ZC3H14: variants seen among roughly 807,000 people sequenced by gnomAD.
The protein encoded by ZC3H14 is zinc finger CCCH domain-containing protein 14.
A neutral mutation model predicts 92.4 loss-of-function variants in ZC3H14; 31 were observed. The ratio of observed to expected loss-of-function variants is 0.34; its 90% CI spans 0.25 to 0.45. The LOEUF is 0.45. ZC3H14 is among the 20% of genes least tolerant of loss of function. The probability of loss-of-function intolerance (pLI) is 1.00; values close to 1 mark genes in which losing one functional copy is unlikely to be tolerated. For missense variants in ZC3H14, 781 were observed against 897.3 expected (o/e 0.87, Z 1.66); for synonymous variants, 321 against 300.9 (o/e 1.07, Z -0.69).
At chr14:88,599,264 C>T (rs766092584) in intron 10 of ZC3H14, among the ~76,000 whole-genome samples, 1 of 152,154 alleles carries the variant, frequency 6.6e-6, no homozygotes. Context: ...TTCATTATTG[C>T]CTTAGAATTC....
chr14:88,603,974 G>A (rs372400262), intron 12 of ZC3H14, among the ~76,000 whole-genome samples: 9 of 152,232 alleles, frequency 5.9e-5, no homozygotes, highest in East Asian at 5.8e-4. Flanking sequence ...ACGTAGTGTC[G>A]TGGTTTTGAT....
At chr14:88,573,059 A>T (rs1219572849) in intron 6 of ZC3H14, 52 bp downstream of exon 6, 3 of 1,579,646 alleles carry the variant, frequency 1.9e-6, no homozygotes, top group Non-Finnish European at 2.6e-6. Flanking sequence ...GCAGTTCTTG[A>T]TACCAAATAA....
At chr14:88,581,719 G>A (rs1304973199) in intron 9 of ZC3H14, among the ~76,000 whole-genome samples, 1 of 152,152 alleles carries the variant, frequency 6.6e-6, no homozygotes, top group Non-Finnish European at 1.5e-5. Context: ...AAAGGATGCA[G>A]GCGCCAACTT....
chr14:88,605,442 C>T (rs2085242514), intron 12 of ZC3H14, among the ~76,000 whole-genome samples: 1 of 152,188 alleles, frequency 6.6e-6, no homozygotes, highest in African/African-American at 2.4e-5. Flanking sequence ...AGTGATTCTC[C>T]CACCTCAGCC....
Position 88,615,534 on chromosome 14 carries a change from C to T in ZC3H14, c.*3783C>T, listed in dbSNP as rs889311457. On this transcript the variant is annotated 3_prime_UTR_variant, in exon 17 of 17. Transcript: ENST00000251038. ...CCCTAAATTTTCCCAGCAGGTCTGC[C>T]GAAATCACACACTTCCCAATACAGG... 5.9e-6 allele frequency: 2 copies of T among 338,168 alleles called. No individual in the cohort carries two copies. The highest frequency in any genetic ancestry group is 1.1e-5 in the Non-Finnish European group (2 of 187,404). 20.9% of individuals were successfully genotyped at this position (338,168 alleles called of 1,614,324 possible).
intron 9 of ZC3H14, among the ~76,000 whole-genome samples, chr14:88,582,430 A>T (rs1199968274): frequency 6.6e-6 from 1 of 152,224 alleles, no homozygotes; most frequent in African/African-American, 2.4e-5. Flanking sequence ...TGAGATTAAA[A>T]GGCAAATCAA....
rs1458417422 is a variant in ZC3H14 at position 88,572,815 on chromosome 14, A to G, written c.669A>G (p.Ala223=). ...EIYRPPASRN[A]DSGVHLNRLQ... ...ATCGACCACCTGCAAGTAGAAATGC[A>G]GATAGTGGTGTTCATTTAAACAGGT... The change falls in exon 6 of 17, where the codon GCA becomes GCG. Residue 223 remains alanine, a synonymous_variant. Coordinates refer to ENST00000251038, the MANE Select transcript of ZC3H14 (RefSeq NM_024824.5). The G allele has an allele frequency of 2.5e-6, 4 of 1,614,208 alleles. No individual in the cohort carries two copies. Among genetic ancestry groups the G allele is most frequent in the Middle Eastern group, 1.6e-4 (1 of 6,062 alleles).
Position 88,625,055 on chromosome 14 carries a change from C to T in ZC3H14, c.*13304C>T, listed in dbSNP as rs759632461. The T allele has an allele frequency of 3.7e-6, 6 of 1,613,016 alleles. No homozygotes were observed. Among genetic ancestry groups the T allele is most frequent in the South Asian group, 3.3e-5 (3 of 90,988 alleles). On this transcript the variant is annotated 3_prime_UTR_variant, in exon 17 of 17. Transcript: ENST00000251038. ...ACAGGCCCGTTGTGAGCTCTCGCCACGATTCTACACAATATGTGATCTTTC... is the reference window on the plus strand; with the variant it reads ...ACAGGCCCGTTGTGAGCTCTCGCCATGATTCTACACAATATGTGATCTTTC...
At chr14:88,573,091 T>C in intron 6 of ZC3H14, 84 bp downstream of exon 6, 1 of 1,498,498 alleles carries the variant, frequency 6.7e-7, no homozygotes, top group Non-Finnish European at 9.2e-7. Context: ...ACTAAACACA[T>C]ATTCCAAGGC....
chr14:88,595,675 T>C (rs1212369839), intron 9 of ZC3H14, among the ~76,000 whole-genome samples: 2 of 152,238 alleles, frequency 1.3e-5, no homozygotes, highest in Non-Finnish European at 2.9e-5. Flanking sequence ...GGAAACTAAC[T>C]GATACAATTT....
chr14:88,592,803 G>A (rs1280639700), intron 9 of ZC3H14, among the ~76,000 whole-genome samples: 1 of 151,940 alleles, frequency 6.6e-6, no homozygotes, highest in Non-Finnish European at 1.5e-5. Flanking sequence ...GCCAGGCCAG[G>A]ATTCTTCTTT....
chr14:88,624,865 C>T lies in ZC3H14; in HGVS notation c.*13114C>T, dbSNP rs914513694. 3.3e-5 allele frequency: 41 copies of T among 1,224,974 alleles called. No homozygotes were observed. Among genetic ancestry groups the T allele is most frequent in the South Asian group, 6.4e-5 (4 of 62,056 alleles). 75.9% of individuals were successfully genotyped at this position (1,224,974 alleles called of 1,614,324 possible). ...AGGAGAAGCATATGAGGAGGAAGGT[C>T]GGAGAGGACACTCTGTGTAGCCTAG... On this transcript the variant is annotated 3_prime_UTR_variant, in exon 17 of 17. Coordinates refer to ENST00000251038, the MANE Select transcript of ZC3H14 (RefSeq NM_024824.5).
intron 2 of ZC3H14, among the ~76,000 whole-genome samples, chr14:88,566,375 A>G (rs1312010190): frequency 6.6e-6 from 1 of 152,060 alleles, no homozygotes; most frequent in Non-Finnish European, 1.5e-5. Flanking sequence ...ACAGTTTGAG[A>G]ATTGGTAATT....
chr14:88,566,722 C>T (rs1006134667), intron 2 of ZC3H14, among the ~76,000 whole-genome samples: 4 of 152,052 alleles, frequency 2.6e-5, no homozygotes, highest in African/African-American at 9.7e-5. Context: ...GAGTTCGAGA[C>T]CAGCCTAGTC....
chr14:88,572,605 C>T lies in ZC3H14; in HGVS notation c.459C>T (p.Thr153=), dbSNP rs1230454875. ...VRQTYDDGAA[T]RLMSTVKPLR... ...AGACTTACGATGATGGAGCTGCAAC[C>T]CGACTAATGTCAACAGTGAAACCTT... Residue 153 remains threonine (T), a synonymous_variant, in exon 6 of 17, where the codon ACC becomes ACT. Transcript: ENST00000251038. 6.8e-6 allele frequency: 11 copies of T among 1,614,006 alleles called. No individual in the cohort carries two copies. The highest frequency in any genetic ancestry group is 8.5e-6 in the Non-Finnish European group (10 of 1,180,046).
chr14:88,601,089 A>T (rs1326371872), intron 10 of ZC3H14, among the ~76,000 whole-genome samples: 1 of 151,990 alleles, frequency 6.6e-6, no homozygotes, highest in African/African-American at 2.4e-5. Flanking sequence ...TATTCTCAGC[A>T]CCTTGTTCAC....
At chr14:88,601,494 A>G (rs1389541952) in intron 10 of ZC3H14, among the ~76,000 whole-genome samples, 1 of 152,252 alleles carries the variant, frequency 6.6e-6, no homozygotes, top group Non-Finnish European at 1.5e-5. Context: ...TTATCAGGAC[A>G]TGATTCTAAG....
rs74075834 is a variant in ZC3H14 at position 88,607,748 on chromosome 14, T to A, written c.1868+385T>A. Among the ~76,000 whole-genome samples the A allele has an allele frequency of 1.9e-3, 170 of 88,872 alleles. 1 individual carries two copies. The highest frequency in any genetic ancestry group is 7.5e-3 in the African/African-American group (161 of 21,484). The allele number at this position is 88,872 out of a possible 152,430, so 58.3% of individuals were successfully genotyped here. On this transcript the variant is annotated intron_variant, in intron 13 of 16. Coordinates refer to ENST00000251038, the MANE Select transcript of ZC3H14 (RefSeq NM_024824.5). ...CCCCATCTAGCCCTGTAAGTGCGAG[T>A]ACCATCCCCCATCTTACCCTGCAAG...
intron 3 of ZC3H14, among the ~76,000 whole-genome samples, chr14:88,570,025 C>T (rs1221827357): frequency 2.6e-5 from 4 of 151,938 alleles, no homozygotes; most frequent in Admixed American, 6.6e-5. Flanking sequence ...TTTTCTAAAG[C>T]GACCGAGTAG....
Sources: allele counts gnomAD v4.1 joint callset (sites outside exome capture counted in the v4.1 genomes callset), GRCh38; gene constraint gnomAD v4.1.1; transcripts MANE v1.5; gene names NCBI Gene and HGNC (gene_info 2026-07-23, HGNC 2026-07-21).